Variants in PCSK9 observed in about 807,000 individuals in gnomAD.
The protein encoded by PCSK9 is proprotein convertase subtilisin/kexin type 9, also known as convertase subtilisin/kexin type 9 preproprotein.
In PCSK9, 57 loss-of-function variants were observed where a neutral mutation model predicts 62.1. The observed-to-expected ratio is 0.92, with a 90% CI of 0.74 to 1.14. PCSK9 has a LOEUF of 1.14. Among genes scored for constraint, PCSK9 ranks in the 50% most tolerant of loss-of-function variants. The probability of loss-of-function intolerance (pLI) is 0.00; values close to 1 mark genes in which losing one functional copy is unlikely to be tolerated. For synonymous variants in PCSK9, 387 were observed against 409.4 expected (o/e 0.95, Z 0.66); for missense variants, 870 against 959.8 (o/e 0.91, Z 1.24).
rs1343443906 is a variant in PCSK9, at chr1:55,059,550, T to C, written c.1568T>C (p.Ile523Thr). The part of the protein sequence containing the change: ...NAFGGEGVYA[I>T]ARCCLLPQAN... ...TTTGGGGGTGAGGGTGTCTACGCCATTGCCAGGTGCTGCCTGCTACCCCAG... is the reference window on the plus strand; with the variant it reads ...TTTGGGGGTGAGGGTGTCTACGCCACTGCCAGGTGCTGCCTGCTACCCCAG... The change falls in exon 10 of 12, where the codon ATT (isoleucine) becomes ACT (threonine). Residue 523 changes from isoleucine to threonine, a missense_variant. By Grantham distance (89) the Ile-to-Thr change is moderately conservative. Coordinates refer to ENST00000302118, the MANE Select transcript of PCSK9 (RefSeq NM_174936.4). 2 of 1,559,592 alleles carry C rather than the reference T, an allele frequency of 1.3e-6. No individual in the cohort carries two copies. The highest frequency in any genetic ancestry group is 1.2e-5 in the South Asian group (1 of 84,718).
chr1:55,054,816 T>C (rs986034742), intron 5 of PCSK9, among the ~76,000 whole-genome samples: 12 of 152,102 alleles, frequency 7.9e-5, no homozygotes, highest in Non-Finnish European at 1.2e-4. Flanking sequence ...CCATCCTTGC[T>C]AACACGGTGA....
chr1:55,051,393 A>G (rs951780516), intron 3 of PCSK9: 8 of 338,718 alleles, frequency 2.4e-5, no homozygotes, highest in African/African-American at 1.6e-4. Context: ...GCTAGCAGCA[A>G]CCTGCCTGAA....
At chr1:55,045,637 G>C (rs552340541) in intron 2 of PCSK9, among the ~76,000 whole-genome samples, 1 of 152,206 alleles carries the variant, frequency 6.6e-6, no homozygotes, top group Admixed American at 6.5e-5. Flanking sequence ...ATCACCCGAG[G>C]GTTCACCGCT....
At position 55,058,665 on chromosome 1, in the gene PCSK9, TCG is replaced by T; in HGVS notation, c.1503+19_1503+20del. The T allele has an allele frequency of 6.3e-7, 1 of 1,575,990 alleles. No individual in the cohort carries two copies. The highest frequency in any genetic ancestry group is 8.6e-7 in the Non-Finnish European group (1 of 1,165,894). On this transcript the variant is annotated intron_variant, in intron 9 of 11. Transcript: ENST00000302118. ...GCATGGAGGTGACTGTACCCCTCCT[TCG>T]TGTGTGTGTGTGTGTGTGTGTGTGT...
chr1:55,044,230 G>A (rs1021181270), intron 2 of PCSK9, among the ~76,000 whole-genome samples, 196 bp downstream of exon 2: 1 of 152,230 alleles, frequency 6.6e-6, no homozygotes, highest in African/African-American at 2.4e-5. Flanking sequence ...CCATGCCCCA[G>A]TGGTACGTCT....
At chr1:55,050,296 T>A (rs1170115415) in intron 3 of PCSK9, among the ~76,000 whole-genome samples, 1 of 152,208 alleles carries the variant, frequency 6.6e-6, no homozygotes, top group Admixed American at 6.5e-5. Flanking sequence ...GCTGGCCTTG[T>A]CTTGTGTCTG....
rs190589916 is a variant in PCSK9 at position 55,046,016 on chromosome 1, C to A, written c.400-507C>A. Among the ~76,000 whole-genome samples the A allele has an allele frequency of 1.7e-3, 266 of 152,304 alleles. 4 individuals carry two copies. The highest frequency in any genetic ancestry group is 2.2e-4 in the Non-Finnish European group (15 of 68,014). On this transcript the variant is annotated intron_variant, in intron 2 of 11. Coordinates refer to ENST00000302118, the MANE Select transcript of PCSK9 (RefSeq NM_174936.4). ...GAGTCACCGCTCCCAGCTGCTGATG[C>A]ACTCTTGTCCTTCTAACTCCTGCTA...
In PCSK9 at chr1:55,040,267, C is replaced by T. The variant is rs542099741; in HGVS notation, c.207+223C>T. On this transcript the variant is annotated intron_variant, in intron 1 of 11. Coordinates refer to ENST00000302118, the MANE Select transcript of PCSK9 (RefSeq NM_174936.4). This position sits in a 1 kb window ranked among gnomAD's most constrained non-coding sequence, Gnocchi z 4.1. The stretch of plus-strand genomic sequence containing the variant: ...GCGGGGACGGCCGGCTCTTTGGGGA[C>T]TTGCTGGGGCGTGCGGCTGCGCTAT... Among the ~76,000 whole-genome samples the T allele has an allele frequency of 2.6e-5, 4 of 152,252 alleles. No individual in the cohort carries two copies. The highest frequency in any genetic ancestry group is 9.6e-5 in the African/African-American group (4 of 41,550).
intron 9 of PCSK9, 139 bp from the exon 10 acceptor site, chr1:55,059,347 C>T: frequency 9.1e-7 from 1 of 1,099,350 alleles, no homozygotes. Context: ...GAGTGAGCTC[C>T]TTGTCCCCAG....
chr1:55,049,539 C>T lies in PCSK9; in HGVS notation c.524-2739C>T, dbSNP rs768184812. On this transcript the variant is annotated intron_variant, in intron 3 of 11. Transcript: ENST00000302118. ...GGCTCTTCTTGAGGCCACCTTGCCA[C>T]GCTGTCACAGGGAACTAGCAGCCCC... Among the ~76,000 whole-genome samples, 4 of 152,216 alleles carry T rather than the reference C, an allele frequency of 2.6e-5. No individual in the cohort carries two copies. In the East Asian group the frequency reaches 7.7e-4, roughly 29 times the overall value.
chr1:55,041,953 CT>C (rs60229590), intron 1 of PCSK9, among the ~76,000 whole-genome samples: 4 of 149,544 alleles, frequency 2.7e-5, no homozygotes, highest in Middle Eastern at 3.4e-3. Flanking sequence ...AGTTCTTTTT[CT>C]TTTTTTTTTG....
chr1:55,061,384 C>T lies in PCSK9; in HGVS notation c.1691C>T (p.Ser564Phe). The T allele has an allele frequency of 1.2e-6, 2 of 1,608,102 alleles. No homozygotes were observed. The highest frequency in any genetic ancestry group is 2.7e-5 in the African/African-American group (2 of 74,992). ...QQGHVLTGCS[S>F]HWEVEDLGTH... ...CTTTCCTCTGCCCCAGGCTGCAGCTCCCACTGGGAGGTGGAGGACCTTGGC... is the reference window on the plus strand; with the variant it reads ...CTTTCCTCTGCCCCAGGCTGCAGCTTCCACTGGGAGGTGGAGGACCTTGGC... The change falls in exon 11 of 12, where the codon TCC (serine) becomes TTC (phenylalanine). Residue 564 changes from serine (S) to phenylalanine (F), a missense_variant. Ser to Phe is a radical substitution (Grantham distance 155). Transcript: ENST00000302118.
At chr1:55,061,684 G>A in intron 11 of PCSK9, 128 bp downstream of exon 11, 1 of 1,235,140 alleles carries the variant, frequency 8.1e-7, no homozygotes. Flanking sequence ...TAGATGCTGT[G>A]GGCAGCTTCC....
intron 2 of PCSK9, among the ~76,000 whole-genome samples, chr1:55,044,805 G>C (rs1225078640): frequency 6.6e-6 from 1 of 152,112 alleles, no homozygotes; most frequent in Non-Finnish European, 1.5e-5. Context: ...GTCTGGACCT[G>C]GGTCTCCTAG....
At chr1:55,045,595 C>T (rs958726999) in intron 2 of PCSK9, among the ~76,000 whole-genome samples, 29 of 152,034 alleles carry the variant, frequency 1.9e-4, no homozygotes, top group African/African-American at 5.3e-4. Context: ...CAGTTGGAGC[C>T]GGTGGCATGG....
rs1446332100 is a variant in PCSK9, at chr1:55,056,158, C to A, written c.965C>A (p.Ala322Asp). ...GCTGCCGGCAACTTCCGGGACGATG[C>A]CTGCCTCTACTCCCCAGCCTCAGCT... is the stretch of plus-strand genomic sequence containing the variant. Reference protein sequence around the residue: ...VTAAGNFRDDACLYSPASAPE... With the variant: ...VTAAGNFRDDDCLYSPASAPE... Residue 322 changes from alanine to aspartate, a missense_variant, in exon 6 of 12, where the codon GCC becomes GAC. By Grantham distance (126) the Ala-to-Asp change is moderately radical. Transcript: ENST00000302118. 3 of 1,525,706 alleles carry A rather than the reference C, an allele frequency of 2.0e-6. No homozygotes were observed. The highest frequency in any genetic ancestry group is 2.7e-6 in the Non-Finnish European group (3 of 1,128,006). The allele number at this position is 1,525,706 out of a possible 1,614,324, so 94.5% of individuals were successfully genotyped here. A position where few individuals can be genotyped will look rare whatever the true frequency, so the allele number is the denominator to read the frequency against.
chr1:55,054,261 G>T lies in PCSK9; in HGVS notation c.799+1470G>T, dbSNP rs537305256. On this transcript the variant is annotated intron_variant, in intron 5 of 11. Coordinates refer to ENST00000302118, the MANE Select transcript of PCSK9 (RefSeq NM_174936.4). ...TAGCCAGGCATGGTGGTGGGTGTCT[G>T]TATCCCAGCTACTTGGGAGGCTAAG... is the stretch of plus-strand genomic sequence containing the variant. Among the ~76,000 whole-genome samples the T allele has an allele frequency of 2.0e-5, 3 of 152,298 alleles. No individual in the cohort carries two copies. In the South Asian group the frequency reaches 6.2e-4, roughly 32 times the overall value.
chr1:55,050,914 G>GT (rs1294464619), intron 3 of PCSK9: 2 of 347,272 alleles, frequency 5.8e-6, no homozygotes, highest in African/African-American at 2.2e-5. Context: ...GCGGTGGGCT[G>GT]TAAGTCCTGT....
In PCSK9 at chr1:55,043,336, G is replaced by A. The variant is rs115219247; in HGVS notation, c.208-507G>A. Among the ~76,000 whole-genome samples the A allele has an allele frequency of 5.1e-3, 779 of 152,330 alleles. 10 individuals are homozygous for A. The highest frequency in any genetic ancestry group is 0.017 in the African/African-American group (718 of 41,554). On this transcript the variant is annotated intron_variant, in intron 1 of 11. Transcript: ENST00000302118. ...ACTTTCCCAGCAGGCCTATGTCATA[G>A]GTACTGTGGTCTCTACAATACAGCA...
Sources: gnomAD v4.1 joint callset for allele counts (sites outside exome capture counted in the v4.1 genomes callset) on GRCh38, gnomAD v4.1.1 for gene constraint, Gnocchi (gnomAD v3.1) non-coding constraint, MANE v1.5 for transcripts, NCBI Gene and HGNC (gene_info 2026-07-23, HGNC 2026-07-21) for gene names.